Variants in SLC24A3 observed in about 807,000 individuals in gnomAD.
SLC24A3 encodes the protein solute carrier family 24 member 3, also known as sodium/potassium/calcium exchanger 3.
In SLC24A3, 28 loss-of-function variants were observed where a neutral mutation model predicts 75.8. The observed-to-expected ratio is 0.37, with a 90% confidence interval of 0.27 to 0.51. The LOEUF (loss-of-function observed/expected upper bound fraction) is 0.51. Among genes scored for constraint, SLC24A3 ranks in the 20% least tolerant of loss-of-function variants. The probability of loss-of-function intolerance (pLI) is 0.94; values close to 1 mark genes in which losing one functional copy is unlikely to be tolerated. For synonymous variants in SLC24A3, 372 were observed against 334.1 expected (o/e 1.11, Z -1.24); for missense variants, 663 against 847.8 (o/e 0.78, Z 2.71).
intron 2 of SLC24A3, among the ~76,000 whole-genome samples, chr20:19,492,248 C>T (rs965599111): frequency 1.3e-5 from 2 of 152,186 alleles, no homozygotes; most frequent in African/African-American, 4.8e-5. Flanking sequence ...CTCAGGACAA[C>T]ATTGTAGTTA....
intron 1 of SLC24A3, among the ~76,000 whole-genome samples, chr20:19,272,397 T>A (rs1965551524): frequency 6.6e-6 from 1 of 152,222 alleles, no homozygotes; most frequent in African/African-American, 2.4e-5. Context: ...TGAGTGGAGC[T>A]GGGATAAAAT....
rs191421592 is a variant in SLC24A3, at chr20:19,613,823, G to A, written c.612+28279G>A. The stretch of plus-strand genomic sequence containing the variant: ...CCAGATGAAGGCTTCCTTGGTTTGC[G>A]TAGCTGTTGATGCTCACCCTTGACT... On this transcript the variant is annotated intron_variant, in intron 6 of 16. Transcript: ENST00000328041. Among the ~76,000 whole-genome samples, 7 of 152,190 alleles carry A rather than the reference G, an allele frequency of 4.6e-5. No homozygotes were observed. In the East Asian group the frequency reaches 7.7e-4, roughly 17 times the overall value.
At chr20:19,385,438 A>G (rs1986255738) in intron 2 of SLC24A3, among the ~76,000 whole-genome samples, 1 of 152,172 alleles carries the variant, frequency 6.6e-6, no homozygotes, top group Non-Finnish European at 1.5e-5. Flanking sequence ...GTTGAAGATC[A>G]ATCAACTGTA....
chr20:19,464,164 A>G, intron 2 of SLC24A3, among the ~76,000 whole-genome samples: 1 of 152,300 alleles, frequency 6.6e-6, no homozygotes. Context: ...TCTCGCCAAC[A>G]CTGGCTGCCA....
rs558741290 is a variant in SLC24A3 at position 19,609,072 on chromosome 20, C to A, written c.612+23528C>A. On this transcript the variant is annotated intron_variant, in intron 6 of 16. Coordinates refer to ENST00000328041, the MANE Select transcript of SLC24A3 (RefSeq NM_020689.4). Reference sequence around the variant, plus strand: ...GAGGAAGAAAAAAAGTCAAGGATGACAACCCAGGTTCTCTATCCCCCCAAA... The same window carrying A: ...GAGGAAGAAAAAAAGTCAAGGATGAAAACCCAGGTTCTCTATCCCCCCAAA... 3.9e-5 allele frequency among the ~76,000 whole-genome samples: 6 copies of A among 152,272 alleles called. No homozygotes were observed. The South Asian group carries it at 1.2e-3, about 32-fold the overall frequency.
Position 19,705,765 on chromosome 20 carries a change from G to C in SLC24A3, c.1719+7085G>C, listed in dbSNP as rs77602627. Among the ~76,000 whole-genome samples the C allele has an allele frequency of 9.9e-5, 15 of 152,274 alleles. No homozygotes were observed. The East Asian group carries it at 2.5e-3, about 25-fold the overall frequency. ...ATAATTATCTGATAATTACCATCCG[G>C]ATGGCTGTTTTGTGCATGGCATTAG... is the stretch of plus-strand genomic sequence containing the variant. On this transcript the variant is annotated intron_variant, in intron 15 of 16. Coordinates refer to ENST00000328041, the MANE Select transcript of SLC24A3 (RefSeq NM_020689.4).
At chr20:19,405,812 G>C (rs866203203) in intron 2 of SLC24A3, among the ~76,000 whole-genome samples, 2 of 152,198 alleles carry the variant, frequency 1.3e-5, no homozygotes, top group African/African-American at 4.8e-5. Flanking sequence ...TCACACACTG[G>C]ACAGTATAAA....
intron 2 of SLC24A3, among the ~76,000 whole-genome samples, chr20:19,479,852 G>T (rs1988024630): frequency 6.6e-6 from 1 of 152,146 alleles, no homozygotes; most frequent in Admixed American, 6.5e-5. Flanking sequence ...TAAGGCACAT[G>T]GTTGGGACAC....
intron 2 of SLC24A3, among the ~76,000 whole-genome samples, chr20:19,514,801 T>A (rs552966979): frequency 3.3e-4 from 51 of 152,244 alleles, no homozygotes; most frequent in African/African-American, 1.2e-3. Flanking sequence ...GGCATGAACA[T>A]CCCTGTGGTT....
chr20:19,348,175 G>T (rs976241819), intron 2 of SLC24A3, among the ~76,000 whole-genome samples: 1 of 152,186 alleles, frequency 6.6e-6, no homozygotes, highest in Admixed American at 6.5e-5. Context: ...CCTGATGTGG[G>T]GTTTCGGTTT....
chr20:19,613,903 T>C (rs1306999390), intron 6 of SLC24A3, among the ~76,000 whole-genome samples: 2 of 152,224 alleles, frequency 1.3e-5, no homozygotes, highest in Non-Finnish European at 2.9e-5. Context: ...TGCACCACCC[T>C]GTTCTATATT....
rs75846057 is a variant in SLC24A3, at chr20:19,473,783, A to G, written c.272-41705A>G. Among the ~76,000 whole-genome samples the G allele has an allele frequency of 8.0e-3, 1,215 of 152,322 alleles. 15 individuals are homozygous for G. Among genetic ancestry groups the G allele is most frequent in the African/African-American group, 0.028 (1,152 of 41,576 alleles). On this transcript the variant is annotated intron_variant, in intron 2 of 16. Coordinates refer to ENST00000328041, the MANE Select transcript of SLC24A3 (RefSeq NM_020689.4). ...GATGGGCTCCAGTAAGCGCCCCTCC[A>G]AGGCAGTGTAGGTGAGATCGGGCTG...
chr20:19,394,662 A>G (rs1986423194), intron 2 of SLC24A3, among the ~76,000 whole-genome samples: 2 of 152,222 alleles, frequency 1.3e-5, no homozygotes. Context: ...GCAATGAGAT[A>G]TCACCTCCTA....
intron 6 of SLC24A3, among the ~76,000 whole-genome samples, chr20:19,606,299 A>G (rs1232949360): frequency 2.0e-5 from 3 of 152,218 alleles, no homozygotes; most frequent in Non-Finnish European, 2.9e-5. Flanking sequence ...ATGGGGAAGG[A>G]TGACATATCA....
intron 2 of SLC24A3, among the ~76,000 whole-genome samples, chr20:19,508,549 G>A (rs1051116646): frequency 2.6e-5 from 4 of 152,004 alleles, no homozygotes; most frequent in African/African-American, 4.8e-5. Context: ...GTGAACCTCC[G>A]TTTAGACTCA....
chr20:19,559,112 T>A (rs2122608337), intron 3 of SLC24A3, among the ~76,000 whole-genome samples: 1 of 152,336 alleles, frequency 6.6e-6, no homozygotes, highest in Non-Finnish European at 1.5e-5. Flanking sequence ...CCAGCTGCTC[T>A]ATGCTCTCAC....
At chr20:19,557,862 T>C (rs986268130) in intron 3 of SLC24A3, among the ~76,000 whole-genome samples, 2 of 152,158 alleles carry the variant, frequency 1.3e-5, no homozygotes, top group African/African-American at 4.8e-5. Context: ...TAGACCTAAA[T>C]GGAATGTTTT....
chr20:19,413,019 CAT>C (rs1326686492), intron 2 of SLC24A3, among the ~76,000 whole-genome samples: 1 of 152,174 alleles, frequency 6.6e-6, no homozygotes, highest in African/African-American at 2.4e-5. Flanking sequence ...GTCATCTTGG[CAT>C]GAATGCTCTA....
intron 2 of SLC24A3, among the ~76,000 whole-genome samples, chr20:19,355,520 C>T (rs928197851): frequency 1.3e-5 from 2 of 152,164 alleles, no homozygotes; most frequent in African/African-American, 2.4e-5. Flanking sequence ...GCTGTAGGAC[C>T]CCCAGGGTGT....
Sources: gnomAD v4.1 joint callset for allele counts (sites outside exome capture counted in the v4.1 genomes callset) on GRCh38, gnomAD v4.1.1 for gene constraint, MANE v1.5 for transcripts, NCBI Gene and HGNC (gene_info 2026-07-23, HGNC 2026-07-21) for gene names.